Variants in DLGAP2 observed in about 807,000 individuals in gnomAD.
DLGAP2 encodes disks large-associated protein 2.
A neutral mutation model predicts 100.3 loss-of-function variants in DLGAP2; 26 were observed. That is an observed-to-expected ratio of 0.26 (90% CI 0.19 to 0.36). The LOEUF (loss-of-function observed/expected upper bound fraction) is 0.36. Among genes scored for constraint, DLGAP2 ranks in the 10% least tolerant of loss-of-function variants. The probability of loss-of-function intolerance (pLI) is 1.00; values close to 1 mark genes in which losing one functional copy is unlikely to be tolerated. For synonymous variants in DLGAP2, 886 were observed against 630.1 expected, an observed-to-expected ratio of 1.41 and a Z score of -6.08; for missense variants, 1,858 against 1,453.2, an observed-to-expected ratio of 1.28 and a Z score of -4.53.
At chr8:756,104 T>C (rs901350184) in intron 1 of DLGAP2, among the ~76,000 whole-genome samples, 2 of 152,126 alleles carry the variant, frequency 1.3e-5, no homozygotes, top group Admixed American at 6.5e-5. Context: ...TTTGTGCTAA[T>C]AGTCATAAGA....
intron 3 of DLGAP2, among the ~76,000 whole-genome samples, chr8:1,276,277 C>CT (rs1799694440): frequency 6.6e-6 from 1 of 151,524 alleles, no homozygotes; most frequent in Non-Finnish European, 1.5e-5. Context: ...ATGATAGCTG[C>CT]TTTTTTACCC....
At chr8:1,151,083 A>G (rs1463945723) in intron 2 of DLGAP2, among the ~76,000 whole-genome samples, 3 of 152,146 alleles carry the variant, frequency 2.0e-5, no homozygotes, top group Admixed American at 1.3e-4. Flanking sequence ...TAACATTTTG[A>G]TATTTCATTA....
chr8:1,225,740 A>G (rs1436996807), intron 2 of DLGAP2, among the ~76,000 whole-genome samples: 3 of 152,260 alleles, frequency 2.0e-5, no homozygotes, highest in African/African-American at 7.2e-5. Flanking sequence ...AGGACAGAAC[A>G]TCTCAGTTAG....
intron 3 of DLGAP2, among the ~76,000 whole-genome samples, chr8:1,278,516 T>A (rs1799752270): frequency 6.6e-6 from 1 of 152,240 alleles, no homozygotes. Flanking sequence ...TCTGTTTACT[T>A]ACTGGTACTG....
At chr8:958,971 A>G (rs1246814620) in intron 2 of DLGAP2, among the ~76,000 whole-genome samples, 2 of 152,248 alleles carry the variant, frequency 1.3e-5, no homozygotes, top group African/African-American at 4.8e-5. Flanking sequence ...TGAAGCATTG[A>G]TGCTGAAGAT....
chr8:1,154,879 G>T (rs1365464702), intron 2 of DLGAP2, among the ~76,000 whole-genome samples: 1 of 152,208 alleles, frequency 6.6e-6, no homozygotes, highest in Non-Finnish European at 1.5e-5. Flanking sequence ...ACCCTCCAGT[G>T]TCTGCTACCT....
At chr8:1,162,332 G>A (rs1385439810) in intron 2 of DLGAP2, among the ~76,000 whole-genome samples, 5 of 152,314 alleles carry the variant, frequency 3.3e-5, no homozygotes, top group East Asian at 3.9e-4. Context: ...TCTAGCCAGC[G>A]TGAATTGAGC....
chr8:1,568,343 GCCCGTGGCC>G lies in DLGAP2; in HGVS notation c.1442+2453_1442+2461del, dbSNP rs1563226297. Reference sequence around the variant, plus strand: ...CACTCAGCAGACACAAATCCACTCTGCCCGTGGCCCCCATGCCACTGTCCACTCAGCACA... The same window carrying G: ...CACTCAGCAGACACAAATCCACTCTGCCCATGCCACTGTCCACTCAGCACA... On this transcript the variant is annotated intron_variant, in intron 6 of 14. Coordinates refer to ENST00000637795, the MANE Select transcript of DLGAP2 (RefSeq NM_001346810.2). Among the ~76,000 whole-genome samples the G allele has an allele frequency of 6.3e-5, 4 of 63,208 alleles. 1 individual carries two copies. Among genetic ancestry groups the G allele is most frequent in the Middle Eastern group, 0.018 (1 of 56 alleles). The allele number at this position is 63,208 out of a possible 152,430, so 41.5% of individuals were successfully genotyped here.
At position 797,731 on chromosome 8, in the gene DLGAP2, T is replaced by A. The variant is rs118179153; in HGVS notation, c.18+59906T>A. Reference sequence around the variant, plus strand: ...CATCAGCACTTGCTGGTGTCAGTCTTTTGTGTTTTGTTTTATTTTATTTTA... The same window carrying A: ...CATCAGCACTTGCTGGTGTCAGTCTATTGTGTTTTGTTTTATTTTATTTTA... On this transcript the variant is annotated intron_variant, in intron 1 of 14. Transcript: ENST00000637795. Among the ~76,000 whole-genome samples, 813 of 152,152 alleles carry A rather than the reference T, an allele frequency of 5.3e-3. 7 individuals carry two copies. The highest frequency in any genetic ancestry group is 8.3e-3 in the Non-Finnish European group (565 of 67,990).
chr8:908,447 G>T (rs1454240045), intron 2 of DLGAP2, among the ~76,000 whole-genome samples: 2 of 152,148 alleles, frequency 1.3e-5, no homozygotes, highest in African/African-American at 2.4e-5. Flanking sequence ...ATAAAACACT[G>T]GCATGAATGT....
chr8:967,089 C>T (rs79577246), intron 2 of DLGAP2, among the ~76,000 whole-genome samples: 1 of 152,150 alleles, frequency 6.6e-6, no homozygotes. Flanking sequence ...GTGTATTTAC[C>T]TTTCTTGATT....
At chr8:1,663,407 G>A (rs964149268) in intron 8 of DLGAP2, among the ~76,000 whole-genome samples, 8 of 152,030 alleles carry the variant, frequency 5.3e-5, no homozygotes, top group African/African-American at 1.5e-4. Context: ...CTGTGCACCC[G>A]TCTTCGCCAG....
In DLGAP2 at chr8:962,476, G is replaced by C. The variant is rs537201943; in HGVS notation, c.73+54510G>C. 2.6e-5 allele frequency among the ~76,000 whole-genome samples: 4 copies of C among 152,302 alleles called. No individual in the cohort carries two copies. The East Asian group carries it at 7.7e-4, about 29-fold the overall frequency. ...CCCGTCCTTGCACTGTGGCCGTGGG[G>C]CGCTGCTGGGAGTCCATGCTGGGGT... On this transcript the variant is annotated intron_variant, in intron 2 of 14. Transcript: ENST00000637795.
At chr8:1,007,623 A>AG (rs1444554562) in intron 2 of DLGAP2, among the ~76,000 whole-genome samples, 4 of 115,038 alleles carry the variant, frequency 3.5e-5, no homozygotes, top group Non-Finnish European at 6.9e-5. Flanking sequence ...CTCTATGGGT[A>AG]GTTTTTTTTT....
chr8:1,586,483 A>G (rs190044452), intron 6 of DLGAP2, among the ~76,000 whole-genome samples: 146 of 152,202 alleles, frequency 9.6e-4, no homozygotes, highest in African/African-American at 3.0e-3. Context: ...TCTGCTTTCA[A>G]TGCTCCTGCG....
chr8:1,594,202 T>C (rs1796375303), intron 6 of DLGAP2, among the ~76,000 whole-genome samples: 1 of 151,916 alleles, frequency 6.6e-6, no homozygotes, highest in African/African-American at 2.4e-5. Context: ...GTGCGGAAAG[T>C]CAAGGAAAAT....
chr8:1,258,816 T>G, intron 2 of DLGAP2, 35 bp from the exon 3 acceptor site: 1 of 1,231,518 alleles, frequency 8.1e-7, no homozygotes, highest in African/African-American at 1.5e-5. Flanking sequence ...TGAGACCCTG[T>G]GGGTGTAACA....
intron 2 of DLGAP2, among the ~76,000 whole-genome samples, chr8:1,049,785 C>T (rs1802620225): frequency 1.3e-5 from 2 of 152,082 alleles, no homozygotes; most frequent in South Asian, 4.1e-4. Flanking sequence ...CACATGCACA[C>T]ATGAGTGCAG....
intron 2 of DLGAP2, among the ~76,000 whole-genome samples, chr8:1,104,591 C>T (rs1804692323): frequency 6.6e-6 from 1 of 152,150 alleles, no homozygotes; most frequent in African/African-American, 2.4e-5. Context: ...CTGGCCGAGG[C>T]GTTTGCTGAC....
Sources: gnomAD v4.1 joint callset for allele counts (sites outside exome capture counted in the v4.1 genomes callset) on GRCh38, gnomAD v4.1.1 for gene constraint, MANE v1.5 for transcripts, NCBI Gene and HGNC (gene_info 2026-07-23, HGNC 2026-07-21) for gene names.